SRRM2: variants seen among roughly 807,000 people sequenced by gnomAD.
SRRM2 encodes serine/arginine repetitive matrix 2.
SRRM2 carries 30 observed loss-of-function variants against 213.8 expected under a neutral mutation model. The ratio of observed to expected loss-of-function variants is 0.14; its 90% CI spans 0.10 to 0.19. SRRM2 has a LOEUF of 0.19. SRRM2 is among the 10% of genes least tolerant of loss of function. The probability of loss-of-function intolerance (pLI) is 1.00; values close to 1 mark genes in which losing one functional copy is unlikely to be tolerated. For synonymous variants in SRRM2, 2,025 were observed against 1,377.7 expected (o/e 1.47, Z -10.40); for missense variants, 4,904 against 3,647.0 (o/e 1.34, Z -8.88).
rs765519801 is a variant in SRRM2 at position 2,758,982 on chromosome 16, T to C, written c.594-3T>C. ...ATGAGCTTGCTTTTGAATCCATCTT[T>C]AGCAGGTCAGAGAGCAGCTCTCCTC... On this transcript the variant is annotated splice_polypyrimidine_tract_variant and splice_region_variant and intron_variant, in intron 5 of 14. Coordinates refer to ENST00000301740, the MANE Select transcript of SRRM2 (RefSeq NM_016333.4). 17 of 1,614,148 alleles carry C rather than the reference T, an allele frequency of 1.1e-5. No individual in the cohort carries two copies. Among genetic ancestry groups the C allele is most frequent in the Admixed American group, 1.7e-5 (1 of 60,034 alleles).
Position 2,757,910 on chromosome 16 carries a change from T to C in SRRM2, c.480T>C (p.Ala160=). ...SFDPQRRARE[A]KQPAPEPPKP... ...ATCCTCAGCGTCGTGCCCGAGAAGC[T>C]AAACAACCAGCTCCTGAGCCTCCCA... Residue 160 remains alanine, a synonymous_variant, in exon 4 of 15, where the codon GCT becomes GCC. Coordinates refer to ENST00000301740, the MANE Select transcript of SRRM2 (RefSeq NM_016333.4). 6.2e-7 allele frequency: 1 copy of C among 1,614,106 alleles called. No individual in the cohort carries two copies. The highest frequency in any genetic ancestry group is 1.1e-5 in the South Asian group (1 of 91,076).
Position 2,764,312 on chromosome 16 carries a change from G to A in SRRM2, c.3784G>A (p.Glu1262Lys), listed in dbSNP as rs754879886. The change falls in exon 11 of 15, where the codon GAA (glutamate) becomes AAA (lysine). Residue 1262 changes from glutamate to lysine, a missense_variant. Physicochemically the swap from Glu to Lys is moderately conservative, Grantham distance 56. Coordinates refer to ENST00000301740, the MANE Select transcript of SRRM2 (RefSeq NM_016333.4). ...GTCTCATTTGTCTTCAGAACTTAAA[G>A]AAATGTCCACAAGTAACTTTGAATC... ...ILSHLSSELK[E>K]MSTSNFESSP... is the part of the protein sequence containing the mutation. 6.8e-6 allele frequency: 11 copies of A among 1,614,154 alleles called. No homozygotes were observed. Among genetic ancestry groups the A allele is most frequent in the Non-Finnish European group, 9.3e-6 (11 of 1,180,038 alleles).
At chr16:2,756,092 G>A (rs577890840) in intron 1 of SRRM2, among the ~76,000 whole-genome samples, 2 of 152,262 alleles carry the variant, frequency 1.3e-5, no homozygotes, top group South Asian at 4.1e-4. Context: ...AGAATTCTGT[G>A]CAAGGGCATT....
rs144506322 is a variant in SRRM2, at chr16:2,764,656, A to G, written c.4128A>G (p.Thr1376=). ...DPSLDMKEQS[T]RSSGHSSSEL... The stretch of plus-strand genomic sequence containing the variant: ...CTCTAGACATGAAAGAACAATCGAC[A>G]AGATCCTCTGGACACAGCAGTTCTG... Residue 1376 remains threonine (T), a synonymous_variant, in exon 11 of 15, where the codon ACA becomes ACG. Coordinates refer to ENST00000301740, the MANE Select transcript of SRRM2 (RefSeq NM_016333.4). 215 of 1,614,162 alleles carry G rather than the reference A, an allele frequency of 1.3e-4. 1 individual carries two copies. The African/African-American group carries it at 2.6e-3, about 19-fold the overall frequency.
At position 2,762,915 on chromosome 16, in the gene SRRM2, G is replaced by A. The variant is rs765477905; in HGVS notation, c.2387G>A (p.Arg796His). Residue 796 changes from arginine (R) to histidine (H), a missense_variant, in exon 11 of 15, where the codon CGC becomes CAC. Transcript: ENST00000301740. Reference protein sequence around the residue: ...PKQKSQTPPRRSRSGSSQPKA... With the variant: ...PKQKSQTPPRHSRSGSSQPKA... ...CAAAAGTCACAGACACCACCCAGGC[G>A]CAGTCGCTCTGGATCCTCCCAACCT... 7 of 1,609,632 alleles carry A rather than the reference G, an allele frequency of 4.3e-6. No individual in the cohort carries two copies. In the South Asian group the frequency reaches 4.4e-5, roughly 10 times the overall value.
rs137944971 is a variant in SRRM2 at position 2,763,661 on chromosome 16, C to T, written c.3133C>T (p.Pro1045Ser). Residue 1045 changes from proline to serine, a missense_variant, in exon 11 of 15, where the codon CCA (proline) becomes TCA (serine). Transcript: ENST00000301740. The stretch of plus-strand genomic sequence containing the variant: ...TGCAGGAGTAAAATCTAGCACACCA[C>T]CAGGCGAGAGCTATTTTGGTGTCTC... The part of the protein sequence containing the change: ...LCAGVKSSTP[P>S]GESYFGVSSL... 1.9e-5 allele frequency: 31 copies of T among 1,614,060 alleles called. No individual in the cohort carries two copies. Among genetic ancestry groups the T allele is most frequent in the Admixed American group, 3.3e-5 (2 of 60,004 alleles).
chr16:2,759,317 G>T, intron 7 of SRRM2, 35 bp from the exon 8 acceptor site: 2 of 1,609,702 alleles, frequency 1.2e-6, no homozygotes, highest in East Asian at 4.5e-5. Flanking sequence ...CTTTTTTAAA[G>T]AAGTTACTTT....
In SRRM2 at chr16:2,762,731, A is replaced by G. The variant is rs1225734746; in HGVS notation, c.2203A>G (p.Arg735Gly). ...ATCTTCAGAGCGGAAAAACAAATCC[A>G]GAACATCTCAAAGAAGAAGCAGGTC... Reference protein sequence around the residue: ...GSSSERKNKSRTSQRRSRSNS... With the variant: ...GSSSERKNKSGTSQRRSRSNS... Residue 735 changes from arginine to glycine, a missense_variant, in exon 11 of 15, where the codon AGA becomes GGA. Arg to Gly is a moderately radical substitution (Grantham distance 125). Transcript: ENST00000301740. 3 of 1,614,108 alleles carry G rather than the reference A, an allele frequency of 1.9e-6. No individual in the cohort carries two copies. The highest frequency in any genetic ancestry group is 1.3e-5 in the African/African-American group (1 of 74,936).
chr16:2,760,329 A>C lies in SRRM2; in HGVS notation c.862A>C (p.Thr288Pro). 1 of 1,613,926 alleles carries C rather than the reference A, an allele frequency of 6.2e-7. No individual in the cohort carries two copies. The highest frequency in any genetic ancestry group is 1.1e-5 in the South Asian group (1 of 91,072). Residue 288 changes from threonine (T) to proline (P), a missense_variant, in exon 10 of 15, where the codon ACA becomes CCA. Coordinates refer to ENST00000301740, the MANE Select transcript of SRRM2 (RefSeq NM_016333.4). ...TCGAAGTGCTGCAGCTAAAACTCAT[A>C]CAACTGCCTTGGCTGGGCGAAGTCC... is the stretch of plus-strand genomic sequence containing the variant. ...RSRSAAAKTHTTALAGRSPSP... is the reference protein window; with the variant it reads ...RSRSAAAKTHPTALAGRSPSP...
rs1209445555 is a variant in SRRM2 at position 2,768,652 on chromosome 16, A to G, written c.7734-345A>G. 3 of 640,964 alleles carry G rather than the reference A, an allele frequency of 4.7e-6. No homozygotes were observed. The African/African-American group carries it at 5.4e-5, about 11-fold the overall frequency. 39.7% of individuals were successfully genotyped at this position (640,964 alleles called of 1,614,324 possible). Reference sequence around the variant, plus strand: ...GGCAGGACGGCCCCTTCCCCAGCCAACCTGCACTCACAGGGGCCTCCCCAA... The same window carrying G: ...GGCAGGACGGCCCCTTCCCCAGCCAGCCTGCACTCACAGGGGCCTCCCCAA... On this transcript the variant is annotated intron_variant, in intron 11 of 14. Transcript: ENST00000301740.
intron 10 of SRRM2, 153 bp downstream of exon 10, chr16:2,760,652 A>G (rs1028293094): frequency 1.3e-5 from 10 of 799,020 alleles, no homozygotes; most frequent in Admixed American, 8.0e-5. Context: ...CTGCATCTGC[A>G]GAACTTTTAG....
chr16:2,755,648 C>T (rs1026657205), intron 1 of SRRM2, among the ~76,000 whole-genome samples: 12 of 152,128 alleles, frequency 7.9e-5, no homozygotes, highest in African/African-American at 2.9e-4. Flanking sequence ...TGGCCCTTAC[C>T]TGGGAGGTGA....
rs1301808378 is a variant in SRRM2, at chr16:2,764,586, A to G, written c.4058A>G (p.Glu1353Gly). Residue 1353 changes from glutamate to glycine, a missense_variant, in exon 11 of 15, where the codon GAA becomes GGA. Glu to Gly is a moderately conservative substitution (Grantham distance 98, BLOSUM62 -2). Transcript: ENST00000301740. ...MNTGFSSEVKEDLNGPFLNQL... is the reference protein window; with the variant it reads ...MNTGFSSEVKGDLNGPFLNQL... Reference sequence around the variant, plus strand: ...ACTGGATTTTCTTCTGAGGTTAAAGAAGATTTGAATGGACCGTTTCTTAAT... The same window carrying G: ...ACTGGATTTTCTTCTGAGGTTAAAGGAGATTTGAATGGACCGTTTCTTAAT... The G allele has an allele frequency of 1.2e-6, 2 of 1,614,258 alleles. No individual in the cohort carries two copies. The highest frequency in any genetic ancestry group is 1.6e-4 in the Middle Eastern group (1 of 6,062).
chr16:2,753,699 C>T (rs922789225), intron 1 of SRRM2: 4 of 152,196 alleles, frequency 2.6e-5, no homozygotes, highest in East Asian at 3.8e-4. Flanking sequence ...GGTTTCCACT[C>T]GGCTTCAGTT....
chr16:2,759,550 G>T lies in SRRM2; in HGVS notation c.741-19G>T. On this transcript the variant is annotated intron_variant, in intron 8 of 14. Coordinates refer to ENST00000301740, the MANE Select transcript of SRRM2 (RefSeq NM_016333.4). ...CAGGTACAGCAGTACCCTGAGCTGT[G>T]GTGGTGGTCTTCCTTCAGGTCTCGA... is the stretch of plus-strand genomic sequence containing the variant. 6.2e-7 allele frequency: 1 copy of T among 1,613,180 alleles called. No homozygotes were observed. Among genetic ancestry groups the T allele is most frequent in the Middle Eastern group, 1.7e-4 (1 of 6,060 alleles).
chr16:2,762,126 G>A lies in SRRM2; in HGVS notation c.1598G>A (p.Arg533His), dbSNP rs141736410. ...TCTAGAAGCCCCCAGCGACGTGGCC[G>A]CTCTAGGTCTCCTCAGCGACCAGGC... Reference protein sequence around the residue: ...GRSRSPQRRGRSRSPQRPGWS... With the variant: ...GRSRSPQRRGHSRSPQRPGWS... The change falls in exon 11 of 15, where the codon CGC becomes CAC. Residue 533 changes from arginine (R) to histidine (H), a missense_variant. By Grantham distance (29) the Arg-to-His change is conservative (BLOSUM62 0). Coordinates refer to ENST00000301740, the MANE Select transcript of SRRM2 (RefSeq NM_016333.4). 43 of 1,614,078 alleles carry A rather than the reference G, an allele frequency of 2.7e-5. No individual in the cohort carries two copies. Among genetic ancestry groups the A allele is most frequent in the African/African-American group, 2.3e-4 (17 of 74,934 alleles).
In SRRM2 at chr16:2,762,692, G is replaced by A. The variant is rs2068400397; in HGVS notation, c.2164G>A (p.Gly722Ser). ...RSHSRTPQRR[G>S]RSGSSSERKN... ...TCACTCTAGAACACCTCAAAGAAGA[G>A]GCAGATCTGGCTCATCTTCAGAGCG... Residue 722 changes from glycine to serine, a missense_variant, in exon 11 of 15, where the codon GGC (glycine) becomes AGC (serine). Coordinates refer to ENST00000301740, the MANE Select transcript of SRRM2 (RefSeq NM_016333.4). 4 of 1,614,158 alleles carry A rather than the reference G, an allele frequency of 2.5e-6. No homozygotes were observed. The highest frequency in any genetic ancestry group is 3.4e-6 in the Non-Finnish European group (4 of 1,180,016).
intron 2 of SRRM2, among the ~76,000 whole-genome samples, chr16:2,757,122 C>G (rs2068171074): frequency 6.6e-6 from 1 of 152,156 alleles, no homozygotes; most frequent in Admixed American, 6.5e-5. Flanking sequence ...TGGTTTTAAA[C>G]TTCAGCAATG....
At position 2,765,414 on chromosome 16, in the gene SRRM2, C is replaced by T. The variant is rs765812016; in HGVS notation, c.4886C>T (p.Pro1629Leu). The T allele has an allele frequency of 6.2e-7, 1 of 1,614,162 alleles. No homozygotes were observed. Among genetic ancestry groups the T allele is most frequent in the East Asian group, 2.2e-5 (1 of 44,878 alleles). ...TCTCCTGAACCTAAAGCTCCAGCCC[C>T]TCGGGCCCTTCCCAGACGAAGCAGA... ...DSSPEPKAPA[P>L]RALPRRSRSG... is the part of the protein sequence containing the mutation. Residue 1629 changes from proline to leucine, a missense_variant, in exon 11 of 15, where the codon CCT becomes CTT. Transcript: ENST00000301740.
Sources: allele counts gnomAD v4.1 joint callset (sites outside exome capture counted in the v4.1 genomes callset), GRCh38; gene constraint gnomAD v4.1.1; transcripts MANE v1.5; gene names NCBI Gene and HGNC (gene_info 2026-07-23, HGNC 2026-07-21).